The following RARA variants were observed in gnomAD, a reference collection of about 807,000 sequenced individuals.
RARA encodes the protein PML-DDX5-RARA fusion.
In RARA, 5 loss-of-function variants were observed where a neutral mutation model predicts 42.8. The observed-to-expected ratio is 0.12, with a 90% CI of 0.06 to 0.25. RARA has a LOEUF of 0.25. Among genes scored for constraint, RARA ranks in the 10% least tolerant of loss-of-function variants. The pLI is 1.00. For synonymous variants in RARA, 256 were observed against 259.5 expected, an observed-to-expected ratio of 0.99 and a Z score of 0.13; for missense variants, 402 against 628.7, an observed-to-expected ratio of 0.64 and a Z score of 3.86.
chr17:40,335,437 C>A (rs2033816553), intron 2 of RARA, among the ~76,000 whole-genome samples: 1 of 152,094 alleles, frequency 6.6e-6, no homozygotes, highest in Non-Finnish European at 1.5e-5. Context: ...TGCCTGTAAT[C>A]CCAGCACTTT....
intron 1 of RARA, among the ~76,000 whole-genome samples, chr17:40,322,100 G>A (rs2033405526): frequency 6.6e-6 from 1 of 152,056 alleles, no homozygotes; most frequent in South Asian, 2.1e-4. Context: ...GGCCAGTGGG[G>A]AGTCTGGGTC....
intron 2 of RARA, chr17:40,342,345 C>G: frequency 9.3e-7 from 1 of 1,078,058 alleles, no homozygotes; most frequent in South Asian, 4.2e-5. Context: ...ATCCCGCCCC[C>G]GGCCTGCGGA....
chr17:40,311,569 C>T (rs575222644), intron 1 of RARA, among the ~76,000 whole-genome samples: 2 of 152,274 alleles, frequency 1.3e-5, no homozygotes, highest in African/African-American at 2.4e-5. Flanking sequence ...TCATCTAGCC[C>T]CTTTGGCCAG....
At chr17:40,342,340 GC>G (rs1875988419) in intron 2 of RARA, 2 of 1,074,712 alleles carry the variant, frequency 1.9e-6, no homozygotes, top group African/African-American at 1.6e-5. Flanking sequence ...CGCTGATCCC[GC>G]CCCCGGCCTG....
At position 40,355,198 on chromosome 17, in the gene RARA, C is replaced by T. The variant is rs542859196; in HGVS notation, c.1013-65C>T. On this transcript the variant is annotated intron_variant, in intron 7 of 8. Transcript: ENST00000254066. The surrounding 1 kb of genome is among the most constrained non-coding windows in gnomAD (Gnocchi z 4.1). ...CCATGGCCTGGGCAGGCACGCCCCC[C>T]GGTGGCCGAGGCTGGGGGTGCAGCT... 17 of 1,499,754 alleles carry T rather than the reference C, an allele frequency of 1.1e-5. No homozygotes were observed. The highest frequency in any genetic ancestry group is 7.6e-5 in the South Asian group (6 of 79,044). 92.9% of individuals were successfully genotyped at this position (1,499,754 alleles called of 1,614,324 possible). A position where few individuals can be genotyped will look rare whatever the true frequency, so the allele number is the denominator to read the frequency against.
intron 1 of RARA, among the ~76,000 whole-genome samples, chr17:40,313,909 G>A (rs2143156107): frequency 6.6e-6 from 1 of 152,084 alleles, no homozygotes; most frequent in African/African-American, 2.4e-5. Flanking sequence ...CTCTCCTTGG[G>A]CCCCACCAAC....
chr17:40,344,720 AGC>A (rs2143420883), intron 2 of RARA, among the ~76,000 whole-genome samples: 1 of 152,262 alleles, frequency 6.6e-6, no homozygotes, highest in African/African-American at 2.4e-5. Flanking sequence ...CCGTAGTCTG[AGC>A]GTGGGTGTGC....
intron 1 of RARA, among the ~76,000 whole-genome samples, chr17:40,322,257 G>C (rs1048307104): frequency 1.3e-5 from 2 of 151,914 alleles, no homozygotes; most frequent in African/African-American, 4.8e-5. Context: ...GATTCCTCAA[G>C]CACAAAAGGC....
chr17:40,309,958 A>G (rs1293713045), intron 1 of RARA, among the ~76,000 whole-genome samples: 1 of 152,108 alleles, frequency 6.6e-6, no homozygotes, highest in Non-Finnish European at 1.5e-5. Context: ...GTGTGTAGGG[A>G]CAATGTGGTT....
In RARA at chr17:40,357,120, C is replaced by T; in HGVS notation, c.*894C>T. ...GGCCTTGGCACTTGCCTGCACCCAC[C>T]ATGAGGCATGGAGCAGGGCAGAGCA... On this transcript the variant is annotated 3_prime_UTR_variant, in exon 9 of 9. Coordinates refer to ENST00000254066, the MANE Select transcript of RARA (RefSeq NM_000964.4). 1 of 286,334 alleles carries T rather than the reference C, an allele frequency of 3.5e-6. No homozygotes were observed. The highest frequency in any genetic ancestry group is 6.7e-6 in the Non-Finnish European group (1 of 149,096). The allele number at this position is 286,334 out of a possible 1,614,324, so 17.7% of individuals were successfully genotyped here. A position where few individuals can be genotyped will look rare whatever the true frequency, so the allele number is the denominator to read the frequency against.
intron 1 of RARA, chr17:40,322,901 ATCT>A (rs1191317125): frequency 2.0e-5 from 3 of 151,970 alleles, no homozygotes; most frequent in Admixed American, 2.0e-4. Flanking sequence ...GGTGCAAACA[ATCT>A]TCATCACCCC....
chr17:40,331,100 G>C lies in RARA; in HGVS notation c.-119G>C. On this transcript the variant is annotated 5_prime_UTR_variant, in exon 2 of 9. Transcript: ENST00000254066. Reference sequence around the variant, plus strand: ...ACAGCAGCTCCAGGACAGGGCGGGTGGGCTGACCACCCAAACCCCATCTGG... The same window carrying C: ...ACAGCAGCTCCAGGACAGGGCGGGTCGGCTGACCACCCAAACCCCATCTGG... 8.3e-7 allele frequency: 1 copy of C among 1,203,068 alleles called. No individual in the cohort carries two copies. Among genetic ancestry groups the C allele is most frequent in the Admixed American group, 2.4e-5 (1 of 42,422 alleles). The allele number at this position is 1,203,068 out of a possible 1,614,324, so 74.5% of individuals were successfully genotyped here.
chr17:40,342,238 A>C (rs1567757091), intron 2 of RARA: 1 of 1,050,154 alleles, frequency 9.5e-7, no homozygotes, highest in Non-Finnish European at 1.1e-6. Context: ...CGGGATCCCC[A>C]CCCCCACCCG....
intron 6 of RARA, among the ~76,000 whole-genome samples, chr17:40,353,811 C>T (rs992101190): frequency 6.6e-6 from 1 of 152,108 alleles, no homozygotes; most frequent in African/African-American, 2.4e-5. Context: ...ATCCCCATGC[C>T]GTGGATGCAG....
At chr17:40,338,656 G>A (rs896656794) in intron 2 of RARA, among the ~76,000 whole-genome samples, 1 of 143,036 alleles carries the variant, frequency 7.0e-6, no homozygotes, top group South Asian at 2.2e-4. Flanking sequence ...GTAGTGAGCC[G>A]AGATCGCGCC....
chr17:40,343,784 C>T (rs2034157278), intron 2 of RARA, among the ~76,000 whole-genome samples: 1 of 152,098 alleles, frequency 6.6e-6, no homozygotes, highest in African/African-American at 2.4e-5. Flanking sequence ...ATCCTAGCAT[C>T]CTGGCAGCCT....
At chr17:40,328,600 C>T (rs1471755321) in intron 1 of RARA, among the ~76,000 whole-genome samples, 5 of 152,180 alleles carry the variant, frequency 3.3e-5, no homozygotes, top group South Asian at 2.1e-4. Context: ...CTCAAATCCA[C>T]GCCCCAGCTC....
rs914476379 is a variant in RARA at position 40,351,236 on chromosome 17, G to A, written c.470-674G>A. The stretch of plus-strand genomic sequence containing the variant: ...ACCCCCACCTCGCTACCCCCTCCCT[G>A]AGCCCCTCCCCCACCCTCCCTTCCT... On this transcript the variant is annotated intron_variant, in intron 4 of 8. Coordinates refer to ENST00000254066, the MANE Select transcript of RARA (RefSeq NM_000964.4). This position sits in a 1 kb window ranked among gnomAD's most constrained non-coding sequence, Gnocchi z 4.1. 3.3e-5 allele frequency among the ~76,000 whole-genome samples: 4 copies of A among 121,540 alleles called. No individual in the cohort carries two copies. The highest frequency in any genetic ancestry group is 1.8e-5 in the Non-Finnish European group (1 of 57,078). The allele number at this position is 121,540 out of a possible 152,430, so 79.7% of individuals were successfully genotyped here. A position where few individuals can be genotyped will look rare whatever the true frequency, so the allele number is the denominator to read the frequency against.
intron 2 of RARA, among the ~76,000 whole-genome samples, chr17:40,343,777 C>T (rs1813376215): frequency 6.6e-6 from 1 of 152,066 alleles, no homozygotes; most frequent in African/African-American, 2.4e-5. Context: ...GATGAGAATC[C>T]TAGCATCCTG....
Sources: gnomAD v4.1 joint callset for allele counts (sites outside exome capture counted in the v4.1 genomes callset) on GRCh38, gnomAD v4.1.1 for gene constraint, Gnocchi (gnomAD v3.1) non-coding constraint, MANE v1.5 for transcripts, NCBI Gene and HGNC (gene_info 2026-07-23, HGNC 2026-07-21) for gene names.